RIT2: variants seen among roughly 807,000 people sequenced by gnomAD.
The protein encoded by RIT2 is Ras like without CAAX 2, also known as GTP-binding protein Rit2.
A neutral mutation model predicts 23.7 loss-of-function variants in RIT2; 24 were observed. The observed-to-expected ratio is 1.01, with a 90% CI of 0.73 to 1.43. RIT2 has a LOEUF of 1.43. RIT2 is among the 40% of genes most tolerant of loss of function. The pLI is 0.00. For missense variants in RIT2, 236 were observed against 266.9 expected, an observed-to-expected ratio of 0.88 and a Z score of 0.81; for synonymous variants, 107 against 91.1, an observed-to-expected ratio of 1.17 and a Z score of -0.99.
chr18:43,029,769 C>G (rs979521731), intron 2 of RIT2, among the ~76,000 whole-genome samples: 7 of 151,808 alleles, frequency 4.6e-5, no homozygotes, highest in African/African-American at 1.7e-4. Flanking sequence ...ATTAGGAGAG[C>G]AGAGGAGTAA....
intron 4 of RIT2, among the ~76,000 whole-genome samples, chr18:42,917,792 G>T (rs1290399902): frequency 6.6e-6 from 1 of 152,064 alleles, no homozygotes; most frequent in Non-Finnish European, 1.5e-5. Context: ...GATTTTGCAA[G>T]TGCTATTTGT....
intron 4 of RIT2, among the ~76,000 whole-genome samples, chr18:42,880,689 A>G (rs962515584): frequency 6.6e-6 from 1 of 151,970 alleles, no homozygotes. Context: ...TACTTCATAT[A>G]CATTGATGAC....
chr18:43,050,737 C>A (rs966980849), intron 1 of RIT2, among the ~76,000 whole-genome samples: 1 of 151,852 alleles, frequency 6.6e-6, no homozygotes, highest in African/African-American at 2.4e-5. Flanking sequence ...CTGAGGGAGG[C>A]AATGCTAACA....
intron 4 of RIT2, among the ~76,000 whole-genome samples, chr18:42,833,575 C>A (rs987768875): frequency 3.3e-5 from 5 of 152,098 alleles, no homozygotes; most frequent in Admixed American, 1.3e-4. Context: ...ATATATACTA[C>A]CTCATGTAAT....
At chr18:43,086,581 C>T (rs182362949) in intron 1 of RIT2, among the ~76,000 whole-genome samples, 261 of 152,262 alleles carry the variant, frequency 1.7e-3, no homozygotes, top group Non-Finnish European at 3.3e-3. Context: ...GCGGGATTCA[C>T]ATTTTAATAT....
At chr18:42,875,388 T>G (rs751948637) in intron 4 of RIT2, among the ~76,000 whole-genome samples, 11 of 151,654 alleles carry the variant, frequency 7.3e-5, no homozygotes, top group Non-Finnish European at 1.3e-4. Context: ...TTTGTGAGGC[T>G]GGAATGAGAG....
At chr18:42,883,788 GCTA>G (rs1436578846) in intron 4 of RIT2, among the ~76,000 whole-genome samples, 2 of 152,068 alleles carry the variant, frequency 1.3e-5, no homozygotes, top group African/African-American at 4.8e-5. Context: ...TTTTAAAACA[GCTA>G]CTACTTCTAA....
intron 4 of RIT2, among the ~76,000 whole-genome samples, chr18:42,880,170 T>C (rs996349467): frequency 1.3e-4 from 20 of 152,300 alleles, no homozygotes; most frequent in African/African-American, 4.8e-4. Context: ...CAAAAAGGAC[T>C]GGATCTCGTA....
chr18:43,045,964 T>C (rs889895164), intron 1 of RIT2, among the ~76,000 whole-genome samples: 1 of 152,186 alleles, frequency 6.6e-6, no homozygotes, highest in African/African-American at 2.4e-5. Flanking sequence ...CTTTATAATA[T>C]TATATTTTCA....
chr18:42,768,534 A>G (rs1272182940), intron 4 of RIT2, among the ~76,000 whole-genome samples: 1 of 152,198 alleles, frequency 6.6e-6, no homozygotes, highest in Admixed American at 6.5e-5. Flanking sequence ...CACTTTAATC[A>G]CAGGACAAAT....
At chr18:42,941,598 C>T (rs1375818536) in intron 3 of RIT2, among the ~76,000 whole-genome samples, 4 of 152,008 alleles carry the variant, frequency 2.6e-5, no homozygotes, top group Admixed American at 6.6e-5. Context: ...TCCCTACTCC[C>T]CTTATTAAGC....
intron 1 of RIT2, among the ~76,000 whole-genome samples, chr18:43,106,510 C>A (rs1913826060): frequency 6.6e-6 from 1 of 151,880 alleles, no homozygotes. Flanking sequence ...TGTAAGACCA[C>A]AAATTATCTA....
intron 1 of RIT2, among the ~76,000 whole-genome samples, chr18:43,063,111 A>G (rs1055680787): frequency 6.6e-6 from 1 of 152,216 alleles, no homozygotes; most frequent in African/African-American, 2.4e-5. Flanking sequence ...ATTAAATTAC[A>G]GCTGGACTCA....
At chr18:42,874,504 T>C (rs1907696810) in intron 4 of RIT2, among the ~76,000 whole-genome samples, 1 of 152,124 alleles carries the variant, frequency 6.6e-6, no homozygotes, top group Non-Finnish European at 1.5e-5. Context: ...TGTTGAAGTC[T>C]TTAGATTAGA....
chr18:43,021,312 G>A (rs1473055300), intron 2 of RIT2, among the ~76,000 whole-genome samples: 1 of 152,040 alleles, frequency 6.6e-6, no homozygotes, highest in African/African-American at 2.4e-5. Context: ...TCAGGGAAGT[G>A]CAAATTAAAA....
chr18:42,783,242 T>C (rs530378874), intron 4 of RIT2, among the ~76,000 whole-genome samples: 1 of 152,006 alleles, frequency 6.6e-6, no homozygotes. Flanking sequence ...CTGGAGTGGC[T>C]ACAGAAAGCC....
At chr18:42,958,057 C>T (rs540787160) in intron 3 of RIT2, among the ~76,000 whole-genome samples, 41 of 152,136 alleles carry the variant, frequency 2.7e-4, no homozygotes, top group Non-Finnish European at 5.1e-4. Context: ...TAAAAGAGTT[C>T]CTACTGTAAC....
intron 1 of RIT2, among the ~76,000 whole-genome samples, chr18:43,047,879 T>G (rs1265121157): frequency 6.6e-6 from 1 of 152,138 alleles, no homozygotes; most frequent in African/African-American, 2.4e-5. Context: ...CACAAAAATA[T>G]GAGGGGAGTT....
intron 1 of RIT2, among the ~76,000 whole-genome samples, chr18:43,065,358 G>T (rs1411017852): frequency 2.6e-5 from 4 of 151,260 alleles, no homozygotes; most frequent in Non-Finnish European, 5.9e-5. Flanking sequence ...AGCCTCTCTA[G>T]TAGCTGGGAC....
Sources: gnomAD v4.1 joint callset for allele counts (sites outside exome capture counted in the v4.1 genomes callset) on GRCh38, gnomAD v4.1.1 for gene constraint, MANE v1.5 for transcripts, NCBI Gene and HGNC (gene_info 2026-07-23, HGNC 2026-07-21) for gene names.